Variants in F8 observed in about 807,000 individuals in gnomAD.
The protein encoded by F8 is antihemophilic factor.
A neutral mutation model predicts 140.6 loss-of-function variants in F8; 12 were observed. The ratio of observed to expected loss-of-function variants is 0.09; its 90% CI spans 0.05 to 0.14. The LOEUF (loss-of-function observed/expected upper bound fraction) is 0.14, where lower values mean the gene tolerates loss of function less well. F8 is among the 10% of genes least tolerant of loss of function. The probability of loss-of-function intolerance (pLI) is 1.00; values close to 1 mark genes in which losing one functional copy is unlikely to be tolerated. For synonymous variants in F8, 585 were observed against 614.6 expected, an observed-to-expected ratio of 0.95 and a Z score of 0.71; for missense variants, 1,354 against 1,720.7, an observed-to-expected ratio of 0.79 and a Z score of 3.77.
chrX:154,977,563 T>C (rs1248082807), intron 6 of F8: 1 of 99,274 alleles, frequency 1.0e-5, no homozygotes, highest in Non-Finnish European at 2.1e-5. Flanking sequence ...CTGGCAGGTG[T>C]TTTTTTTTTT....
Position 154,931,220 on chromosome X carries a change from C to T in F8, c.2570G>A (p.Arg857Lys), listed in dbSNP as rs782130200. 2.5e-6 allele frequency: 3 copies of T among 1,210,482 alleles called. No homozygotes were observed. Among genetic ancestry groups the T allele is most frequent in the Non-Finnish European group, 3.4e-6 (3 of 894,577 alleles). ...NNSLSEMTHFRPQLHHSGDMV... is the reference protein window; with the variant it reads ...NNSLSEMTHFKPQLHHSGDMV... ...GTCCCCACTGTGATGGAGCTGTGGC[C>T]TGAAGTGTGTCATTTCAGACAGGCT... Residue 857 changes from arginine to lysine, a missense_variant, in exon 14 of 26, where the codon AGG (arginine) becomes AAG (lysine). Physicochemically the swap from Arg to Lys is conservative, Grantham distance 26 (BLOSUM62 2). This residue lies in a region of F8 where 658 missense variants were observed against 666.5 expected (regional missense o/e 0.99). Coordinates refer to ENST00000360256, the MANE Select transcript of F8 (RefSeq NM_000132.4).
Position 154,851,750 on chromosome X carries a change from T to C in F8, c.6900+8682A>G, listed in dbSNP as rs968251569. ...GAAGTCCTTTACCCATTTTAAAATT[T>C]GGTTGTCTTTCTGTTGTTGAGTTGT... On this transcript the variant is annotated intron_variant, in intron 25 of 25. Coordinates refer to ENST00000360256, the MANE Select transcript of F8 (RefSeq NM_000132.4). Among the ~76,000 whole-genome samples the C allele has an allele frequency of 3.6e-5, 4 of 111,492 alleles. No homozygotes were observed. The Admixed American group carries it at 3.8e-4, about 11-fold the overall frequency.
intron 25 of F8, among the ~76,000 whole-genome samples, chrX:154,851,910 A>C (rs1557272179): frequency 1.4e-4 from 16 of 111,901 alleles, no homozygotes; most frequent in Non-Finnish European, 3.0e-4. Flanking sequence ...TTTAACTTTA[A>C]AGATGCCTAC....
At chrX:154,932,968 T>C (rs1172047810) in intron 13 of F8, among the ~76,000 whole-genome samples, 1 of 111,307 alleles carries the variant, frequency 9.0e-6, no homozygotes, top group Non-Finnish European at 1.9e-5. Flanking sequence ...CAATTAGAGA[T>C]TCTCGTCAAA....
chrX:154,894,323 TG>T (rs2072967621), intron 22 of F8, among the ~76,000 whole-genome samples: 1 of 84,127 alleles, frequency 1.2e-5, no homozygotes, highest in Non-Finnish European at 2.4e-5. Flanking sequence ...CAACACTTTT[TG>T]TCAACAAAAG....
At position 154,863,155 on chromosome X, in the gene F8, T is replaced by A; in HGVS notation, c.6502A>T (p.Ile2168Phe). ...IFNPPIIARY[I>F]RLHPTHYSIR... Reference sequence around the variant, plus strand: ...CTATAATGAGTTGGGTGCAAACGGATGTATCGAGCAATAATTGGAGGGTTA... The same window carrying A: ...CTATAATGAGTTGGGTGCAAACGGAAGTATCGAGCAATAATTGGAGGGTTA... The change falls in exon 23 of 26, where the codon ATC becomes TTC. Residue 2168 changes from isoleucine (I) to phenylalanine (F), a missense_variant. By Grantham distance (21) the Ile-to-Phe change is conservative. Transcript: ENST00000360256. The A allele has an allele frequency of 8.3e-7, 1 of 1,208,925 alleles. No individual in the cohort carries two copies. The highest frequency in any genetic ancestry group is 1.1e-6 in the Non-Finnish European group (1 of 892,839).
In F8 at chrX:154,931,104, T is replaced by G; in HGVS notation, c.2686A>C (p.Lys896Gln). 8.3e-7 allele frequency: 1 copy of G among 1,206,790 alleles called. No homozygotes were observed. Among genetic ancestry groups the G allele is most frequent in the South Asian group, 1.8e-5 (1 of 55,716 alleles). Residue 896 changes from lysine to glutamine, a missense_variant, in exon 14 of 26, where the codon AAA becomes CAA. By Grantham distance (53) the Lys-to-Gln change is moderately conservative. This residue lies in a region of F8 where 658 missense variants were observed against 666.5 expected (regional missense o/e 0.99). Transcript: ENST00000360256. ...AATELKKLDF[K>Q]VSSTSNNLIS... ...AGATTATTTGATGTACTAGAAACTT[T>G]GAAATCAAGTTTCTTCAACTCTGTT... is the stretch of plus-strand genomic sequence containing the variant.
intron 1 of F8, among the ~76,000 whole-genome samples, chrX:155,017,050 G>A (rs1444255838): frequency 1.8e-5 from 2 of 112,279 alleles, no homozygotes; most frequent in African/African-American, 6.5e-5. Context: ...TCGGCCCAAT[G>A]TAATCACATG....
intron 1 of F8, 116 bp downstream of exon 1, chrX:155,022,294 C>A: frequency 1.3e-6 from 1 of 784,254 alleles, no homozygotes. Context: ...AGAAATGTTT[C>A]TTTGGGGCCC....
chrX:154,969,706 C>G (rs1245769317), intron 6 of F8, among the ~76,000 whole-genome samples, 154 bp from the exon 7 acceptor site: 1 of 112,448 alleles, frequency 8.9e-6, no homozygotes, highest in Non-Finnish European at 1.9e-5. Context: ...TACTATCAAA[C>G]CAACAGCTCT....
At chrX:154,918,144 C>T (rs1033367055) in intron 14 of F8, among the ~76,000 whole-genome samples, 1 of 111,604 alleles carries the variant, frequency 9.0e-6, no homozygotes, top group African/African-American at 3.3e-5. Context: ...CTAGATGGTG[C>T]TGTAAGCCCA....
chrX:154,893,968 C>T (rs1332927792), intron 22 of F8, among the ~76,000 whole-genome samples: 1 of 111,768 alleles, frequency 8.9e-6, no homozygotes. Context: ...CACTATAAGA[C>T]TTCAAAAGAA....
chrX:155,012,911 C>A (rs1283680123), intron 1 of F8, among the ~76,000 whole-genome samples: 1 of 109,675 alleles, frequency 9.1e-6, no homozygotes, highest in Non-Finnish European at 1.9e-5. Context: ...CTTTGGGAGG[C>A]CGAGGTGGGC....
At chrX:154,970,806 CT>C (rs1221468387) in intron 6 of F8, among the ~76,000 whole-genome samples, 2 of 111,407 alleles carry the variant, frequency 1.8e-5, no homozygotes, top group African/African-American at 6.5e-5. Flanking sequence ...GTATTATAGG[CT>C]TACATAGAAT....
chrX:154,969,289 C>A (rs781864613), intron 7 of F8, 42 bp downstream of exon 7: 2 of 1,110,278 alleles, frequency 1.8e-6, no homozygotes, highest in African/African-American at 3.6e-5. Flanking sequence ...AAAAGTAGGA[C>A]TGGATATTTA....
At chrX:154,947,591 G>A in intron 13 of F8, 107 bp downstream of exon 13, 1 of 633,097 alleles carries the variant, frequency 1.6e-6, no homozygotes, top group Non-Finnish European at 2.7e-6. Flanking sequence ...GTACCTCAAG[G>A]AAGAAAATGC....
At chrX:154,995,930 TC>T (rs2073614624) in intron 3 of F8, among the ~76,000 whole-genome samples, 2 of 111,236 alleles carry the variant, frequency 1.8e-5, no homozygotes, top group African/African-American at 6.6e-5. Flanking sequence ...ATGGTTGGTG[TC>T]CCCTCATTGG....
At chrX:154,975,728 A>G (rs1054440859) in intron 6 of F8, among the ~76,000 whole-genome samples, 9 of 112,168 alleles carry the variant, frequency 8.0e-5, no homozygotes, top group Non-Finnish European at 1.5e-4. Flanking sequence ...TTTGCTTTAT[A>G]TTAGGTTGGT....
chrX:154,877,484 A>G (rs2072825732), intron 22 of F8, among the ~76,000 whole-genome samples: 1 of 111,543 alleles, frequency 9.0e-6, no homozygotes, highest in Non-Finnish European at 1.9e-5. Flanking sequence ...GAAAGGAAAA[A>G]GGATCCTTTT....
Sources: allele counts gnomAD v4.1 joint callset (sites outside exome capture counted in the v4.1 genomes callset), GRCh38; gene constraint gnomAD v4.1.1; regional missense constraint gnomAD v4.1.1; transcripts MANE v1.5; gene names NCBI Gene and HGNC (gene_info 2026-07-23, HGNC 2026-07-21).